The following BBS4 variants were observed in gnomAD, a reference collection of about 807,000 sequenced individuals.
The protein encoded by BBS4 is BBSome complex member BBS4.
In BBS4, 58 loss-of-function variants were observed where a neutral mutation model predicts 71.4. The ratio of observed to expected loss-of-function variants is 0.81; its 90% CI spans 0.66 to 1.01. BBS4 has a LOEUF of 1.01. Among genes scored for constraint, BBS4 ranks in the 50% least tolerant of loss-of-function variants. The pLI is 0.00. For missense variants in BBS4, 660 were observed against 607.9 expected (o/e 1.09, Z -0.90); for synonymous variants, 228 against 216.8 (o/e 1.05, Z -0.46).
chr15:72,686,763 T>C lies in BBS4; in HGVS notation c.24+512T>C, dbSNP rs576449658. On this transcript the variant is annotated intron_variant, in intron 1 of 15. Coordinates refer to ENST00000268057, the MANE Select transcript of BBS4 (RefSeq NM_033028.5). ...GGCGTTCACTCCACAGAACTGCTAA[T>C]ATAGAGGAACCCGATGAATTCAGGA... 5.7e-5 allele frequency: 21 copies of C among 371,264 alleles called. No individual in the cohort carries two copies. The East Asian group carries it at 1.3e-3, about 23-fold the overall frequency. 23.0% of individuals were successfully genotyped at this position (371,264 alleles called of 1,614,324 possible). A position where few individuals can be genotyped will look rare whatever the true frequency, so the allele number is the denominator to read the frequency against.
At chr15:72,698,114 G>C (rs2065109015) in intron 2 of BBS4, 1 of 451,572 alleles carries the variant, frequency 2.2e-6, no homozygotes, top group Non-Finnish European at 4.5e-6. Flanking sequence ...CCCATTTTGG[G>C]GTGGCCATAG....
At chr15:72,712,479 C>T (rs1389338447) in intron 4 of BBS4, among the ~76,000 whole-genome samples, 172 bp downstream of exon 4, 3 of 152,174 alleles carry the variant, frequency 2.0e-5, no homozygotes, top group Non-Finnish European at 4.4e-5. Context: ...GTGAACATTA[C>T]ATGGAGTGTA....
At chr15:72,689,457 A>C (rs1264897668) in intron 1 of BBS4, among the ~76,000 whole-genome samples, 1 of 152,200 alleles carries the variant, frequency 6.6e-6, no homozygotes, top group Admixed American at 6.5e-5. Flanking sequence ...AACAGGCTGT[A>C]CTTGGTGGCT....
chr15:72,711,967 A>G (rs1445080373), intron 3 of BBS4, among the ~76,000 whole-genome samples: 2 of 152,036 alleles, frequency 1.3e-5, no homozygotes, highest in Non-Finnish European at 2.9e-5. Context: ...TCCTGGGTTC[A>G]AGCGATTCTC....
At position 72,727,961 on chromosome 15, in the gene BBS4, GCTT is replaced by G; in HGVS notation, c.613_615del (p.Leu205del). 6.2e-7 allele frequency: 1 copy of G among 1,612,882 alleles called. No homozygotes were observed. Among genetic ancestry groups the G allele is most frequent in the Non-Finnish European group, 8.5e-7 (1 of 1,178,936 alleles). ...GCAGGTTCTCACCAGAAAATACAGA[GCTT>G]CTTACAACTTTAGGATTACTCTACT... On this transcript the variant is annotated inframe_deletion, in exon 9 of 16. Coordinates refer to ENST00000268057, the MANE Select transcript of BBS4 (RefSeq NM_033028.5).
intron 2 of BBS4, among the ~76,000 whole-genome samples, chr15:72,699,145 ATT>A (rs71442345): frequency 6.9e-6 from 1 of 145,162 alleles, no homozygotes. Context: ...TGAGCTAAGC[ATT>A]TTTTTTTTTT....
intron 1 of BBS4, among the ~76,000 whole-genome samples, chr15:72,694,210 A>G (rs1238152509): frequency 1.8e-5 from 2 of 112,950 alleles, no homozygotes; most frequent in African/African-American, 3.4e-5. Context: ...TTTTTTTTTG[A>G]GACGTAGTCT....
At chr15:72,703,358 C>T (rs999845280) in intron 2 of BBS4, among the ~76,000 whole-genome samples, 2 of 152,164 alleles carry the variant, frequency 1.3e-5, no homozygotes, top group Non-Finnish European at 2.9e-5. Flanking sequence ...CATTAAAGTC[C>T]TTGTGTTTCA....
In BBS4 at chr15:72,709,797, T is replaced by A. The variant is rs1177296798; in HGVS notation, c.156+18T>A. 1 of 1,602,950 alleles carries A rather than the reference T, an allele frequency of 6.2e-7. No individual in the cohort carries two copies. The highest frequency in any genetic ancestry group is 8.5e-7 in the Non-Finnish European group (1 of 1,170,578). ...CCTGCAAGGTAAGAGATTGCCATAA[T>A]AATAAAAATGAGAGGCAGGATGTTG... On this transcript the variant is annotated intron_variant, in intron 3 of 15. Transcript: ENST00000268057.
At chr15:72,714,349 C>G (rs928622573) in intron 4 of BBS4, among the ~76,000 whole-genome samples, 1 of 151,952 alleles carries the variant, frequency 6.6e-6, no homozygotes, top group Non-Finnish European at 1.5e-5. Flanking sequence ...CCTCAGCCCC[C>G]CTATTAGCTG....
In BBS4 at chr15:72,716,714, G is replaced by C. The variant is rs905352729; in HGVS notation, c.333-64G>C. 3.6e-6 allele frequency: 4 copies of C among 1,121,172 alleles called. No individual in the cohort carries two copies. The African/African-American group carries it at 6.2e-5, about 17-fold the overall frequency. The allele number at this position is 1,121,172 out of a possible 1,614,324, so 69.5% of individuals were successfully genotyped here. Reference sequence around the variant, plus strand: ...TGGATGAAATATGATTAAAATGTGGGACTAGTAGGGTTAGTCTTCTAAGAA... The same window carrying C: ...TGGATGAAATATGATTAAAATGTGGCACTAGTAGGGTTAGTCTTCTAAGAA... On this transcript the variant is annotated intron_variant, in intron 5 of 15. Transcript: ENST00000268057.
chr15:72,735,768 T>G, intron 13 of BBS4, 57 bp from the exon 14 acceptor site: 1 of 1,609,428 alleles, frequency 6.2e-7, no homozygotes, highest in Non-Finnish European at 8.5e-7. Context: ...GAGAAGGATC[T>G]CTAAATGACC....
intron 9 of BBS4, 44 bp from the exon 10 acceptor site, chr15:72,729,572 G>T (rs372675771): frequency 5.0e-6 from 8 of 1,590,920 alleles, no homozygotes; most frequent in Non-Finnish European, 6.9e-6. Flanking sequence ...TTTAACTGCC[G>T]TCTCCTTGCT....
intron 1 of BBS4, among the ~76,000 whole-genome samples, chr15:72,694,768 T>C (rs1242780139): frequency 5.3e-5 from 8 of 152,212 alleles, no homozygotes; most frequent in Non-Finnish European, 1.2e-4. Context: ...AATTGAGTGC[T>C]AGACAGTTTC....
At chr15:72,734,421 T>C (rs1003423790) in intron 12 of BBS4, among the ~76,000 whole-genome samples, 7 of 152,322 alleles carry the variant, frequency 4.6e-5, no homozygotes, top group African/African-American at 1.7e-4. Flanking sequence ...TGTCCCTTGC[T>C]GTTAGTGGGG....
chr15:72,715,851 T>C (rs1284375257), intron 5 of BBS4, among the ~76,000 whole-genome samples: 1 of 152,238 alleles, frequency 6.6e-6, no homozygotes. Flanking sequence ...TTGTTATGTA[T>C]TCAGTAGAAA....
chr15:72,727,833 A>C, intron 8 of BBS4, 107 bp from the exon 9 acceptor site: 1 of 849,376 alleles, frequency 1.2e-6, no homozygotes, highest in East Asian at 2.5e-5. Context: ...GGGGAGGAAG[A>C]GGCTCAGTGG....
Position 72,712,144 on chromosome 15 carries a change from A to G in BBS4, c.157-100A>G, listed in dbSNP as rs1239518549. Reference sequence around the variant, plus strand: ...GGTCTCCCAAAGTTTTGGGATTACAAGCATGAGCCACCGCACCTGGCCTGT... The same window carrying G: ...GGTCTCCCAAAGTTTTGGGATTACAGGCATGAGCCACCGCACCTGGCCTGT... On this transcript the variant is annotated intron_variant, in intron 3 of 15. Transcript: ENST00000268057. 10 of 1,068,106 alleles carry G rather than the reference A, an allele frequency of 9.4e-6. No homozygotes were observed. The Admixed American group carries it at 9.8e-5, about 11-fold the overall frequency. The allele number at this position is 1,068,106 out of a possible 1,614,324, so 66.2% of individuals were successfully genotyped here. A position where few individuals can be genotyped will look rare whatever the true frequency, so the allele number is the denominator to read the frequency against.
At chr15:72,718,353 C>T (rs563796697) in intron 6 of BBS4, among the ~76,000 whole-genome samples, 56 of 152,212 alleles carry the variant, frequency 3.7e-4, no homozygotes, top group African/African-American at 1.3e-3. Context: ...TTCTGCTTCT[C>T]AGAATTATCT....
Sources: gnomAD v4.1 joint callset for allele counts (sites outside exome capture counted in the v4.1 genomes callset) on GRCh38, gnomAD v4.1.1 for gene constraint, MANE v1.5 for transcripts, NCBI Gene and HGNC (gene_info 2026-07-23, HGNC 2026-07-21) for gene names.